Variants in ART4 observed in about 807,000 individuals in gnomAD.
ART4 encodes ADP-ribosyltransferase 4 (inactive) (Dombrock blood group).
ART4 carries 14 observed loss-of-function variants against 24.2 expected under a neutral mutation model. The observed-to-expected ratio is 0.58, with a 90% confidence interval of 0.38 to 0.90. ART4 has a LOEUF of 0.90. Ranked by LOEUF, ART4 falls within the 40% of genes least tolerant of loss-of-function variation. ART4 has a pLI of 0.00. For synonymous variants in ART4, 145 were observed against 139.9 expected (o/e 1.04, Z -0.26); for missense variants, 356 against 366.6 (o/e 0.97, Z 0.24).
At chr12:14,832,998 A>T (rs1950406550) in intron 2 of ART4, among the ~76,000 whole-genome samples, 1 of 152,156 alleles carries the variant, frequency 6.6e-6, no homozygotes, top group South Asian at 2.1e-4. Context: ...TTATTTGAGG[A>T]TACCTCACAT....
chr12:14,841,756 G>A (rs1167566921), intron 1 of ART4, among the ~76,000 whole-genome samples: 1 of 152,224 alleles, frequency 6.6e-6, no homozygotes, highest in African/African-American at 2.4e-5. Context: ...AGGTCTGATA[G>A]CAAGTGGCTT....
intron 2 of ART4, among the ~76,000 whole-genome samples, chr12:14,831,552 A>T (rs1950396242): frequency 6.6e-6 from 1 of 152,218 alleles, no homozygotes; most frequent in African/African-American, 2.4e-5. Flanking sequence ...GGTGTGAGCC[A>T]TCACACCTGG....
In ART4 at chr12:14,841,003, T is replaced by C; in HGVS notation, c.295A>G (p.Lys99Glu). 1 of 1,614,222 alleles carries C rather than the reference T, an allele frequency of 6.2e-7. No individual in the cohort carries two copies. Among genetic ancestry groups the C allele is most frequent in the Middle Eastern group, 1.6e-4 (1 of 6,062 alleles). Reference sequence around the variant, plus strand: ...TGGTTAAGCCAGGCTAAGTGGGCTTTTTGCCACATCCTAAAATAATTCTTC... The same window carrying C: ...TGGTTAAGCCAGGCTAAGTGGGCTTCTTGCCACATCCTAAAATAATTCTTC... ...AQKNYFRMWQKAHLAWLNQGK... is the reference protein window; with the variant it reads ...AQKNYFRMWQEAHLAWLNQGK... Residue 99 changes from lysine to glutamate, a missense_variant, in exon 2 of 3, where the codon AAA (lysine) becomes GAA (glutamate). Transcript: ENST00000228936.
intron 2 of ART4, among the ~76,000 whole-genome samples, chr12:14,830,534 G>GGA (rs1400256047): frequency 8.8e-5 from 4 of 45,488 alleles, no homozygotes; most frequent in African/African-American, 3.7e-4. Flanking sequence ...TTTCTATATA[G>GGA]GAGTGTGTGT....
intron 2 of ART4, among the ~76,000 whole-genome samples, chr12:14,838,458 G>T (rs1028284495): frequency 6.6e-6 from 1 of 152,150 alleles, no homozygotes; most frequent in Non-Finnish European, 1.5e-5. Context: ...GTCAGGTGTA[G>T]TTCCAAAGAA....
chr12:14,835,199 A>G (rs1315912283), intron 2 of ART4, among the ~76,000 whole-genome samples: 1 of 152,256 alleles, frequency 6.6e-6, no homozygotes, highest in Non-Finnish European at 1.5e-5. Context: ...CGAAGCTGAA[A>G]GAATGAGAAA....
chr12:14,831,695 A>G (rs779577311), intron 2 of ART4, among the ~76,000 whole-genome samples: 7 of 151,966 alleles, frequency 4.6e-5, no homozygotes, highest in South Asian at 2.1e-4. Context: ...AATACCACCC[A>G]TAACCCACTG....
In ART4 at chr12:14,843,142, G is replaced by C. The variant is rs865906296; in HGVS notation, c.-29C>G. 6.2e-6 allele frequency: 10 copies of C among 1,612,452 alleles called. No homozygotes were observed. The Middle Eastern group carries it at 1.5e-3, about 240-fold the overall frequency. On this transcript the variant is annotated 5_prime_UTR_variant, in exon 1 of 3. Coordinates refer to ENST00000228936, the MANE Select transcript of ART4 (RefSeq NM_021071.4). ...CTTGTGTCACAAGTACTTCTCCTTTGCCCTTGCAGCTTCATCCTGAGATGA... is the reference window on the plus strand; with the variant it reads ...CTTGTGTCACAAGTACTTCTCCTTTCCCCTTGCAGCTTCATCCTGAGATGA...
intron 2 of ART4, among the ~76,000 whole-genome samples, chr12:14,835,516 C>G (rs1156268830): frequency 6.6e-6 from 1 of 152,172 alleles, no homozygotes; most frequent in Non-Finnish European, 1.5e-5. Context: ...TTCTGATGTT[C>G]CTTCGCTTAC....
At chr12:14,837,004 G>A (rs1162824929) in intron 2 of ART4, among the ~76,000 whole-genome samples, 1 of 151,952 alleles carries the variant, frequency 6.6e-6, no homozygotes, top group East Asian at 1.9e-4. Context: ...TAAAATGAGG[G>A]TCACTTGAAA....
In ART4 at chr12:14,840,841, A is replaced by C. The variant is rs758090906; in HGVS notation, c.457T>G (p.Ser153Ala). 1 of 1,614,104 alleles carries C rather than the reference A, an allele frequency of 6.2e-7. No individual in the cohort carries two copies. The highest frequency in any genetic ancestry group is 1.7e-5 in the Admixed American group (1 of 60,012). Residue 153 changes from serine to alanine, a missense_variant, in exon 2 of 3, where the codon TCA becomes GCA. Transcript: ENST00000228936. ...TAGTGTAAATATTTGAAGTGGAATG[A>C]ACGTTCATACTGCTGTGGAGTCCTG... is the stretch of plus-strand genomic sequence containing the variant. ...VARTPQQYER[S>A]FHFKYLHYYL...
chr12:14,835,610 CTT>C (rs5796613), intron 2 of ART4, among the ~76,000 whole-genome samples: 124 of 146,604 alleles, frequency 8.5e-4, no homozygotes, highest in South Asian at 1.1e-3. Flanking sequence ...GGCAATCAAA[CTT>C]TTTTTTTTTT....
chr12:14,839,552 G>C (rs1222487189), intron 2 of ART4, among the ~76,000 whole-genome samples: 1 of 152,140 alleles, frequency 6.6e-6, no homozygotes, highest in Non-Finnish European at 1.5e-5. Context: ...ACAGAGAGAG[G>C]CTCCAGTGAT....
chr12:14,832,253 T>G (rs560377858), intron 2 of ART4, among the ~76,000 whole-genome samples: 4 of 152,338 alleles, frequency 2.6e-5, no homozygotes, highest in Non-Finnish European at 4.4e-5. Flanking sequence ...CGCTTTCTAT[T>G]ATTTTTCTCT....
chr12:14,840,869 AAC>A lies in ART4; in HGVS notation c.427_428del (p.Val143CysfsTer8). 3 of 1,614,212 alleles carry A rather than the reference AAC, an allele frequency of 1.9e-6. No homozygotes were observed. In the South Asian group the frequency reaches 3.3e-5, roughly 18 times the overall value. On this transcript the variant is annotated frameshift_variant, in exon 2 of 3. Transcript: ENST00000228936. LOFTEE classifies it high-confidence loss of function. ...HSDFTRAMAS[V>X]ARTPQQYERS... ...GTTCATACTGCTGTGGAGTCCTGGC[AAC>A]AGAGGCCATGGCTCTAGTAAAGTCA...
intron 2 of ART4, among the ~76,000 whole-genome samples, chr12:14,833,358 G>A (rs1299459199): frequency 6.6e-6 from 1 of 152,172 alleles, no homozygotes; most frequent in Non-Finnish European, 1.5e-5. Flanking sequence ...GTTGAAGAAT[G>A]GATGAATCCC....
At chr12:14,831,837 C>G (rs1196292017) in intron 2 of ART4, among the ~76,000 whole-genome samples, 1 of 152,072 alleles carries the variant, frequency 6.6e-6, no homozygotes, top group Non-Finnish European at 1.5e-5. Flanking sequence ...AACTCCTGCT[C>G]TTAAATCTAC....
intron 2 of ART4, among the ~76,000 whole-genome samples, chr12:14,835,354 A>G (rs1950422778): frequency 1.3e-5 from 2 of 152,002 alleles, no homozygotes; most frequent in South Asian, 4.1e-4. Context: ...GGGAGAGTCC[A>G]CTGATCTTAC....
intron 2 of ART4, among the ~76,000 whole-genome samples, chr12:14,832,129 T>G (rs781296108): frequency 5.9e-5 from 9 of 152,152 alleles, no homozygotes; most frequent in Non-Finnish European, 8.8e-5. Flanking sequence ...GACACAATCT[T>G]CTATGTTTTC....
Sources: allele counts gnomAD v4.1 joint callset (sites outside exome capture counted in the v4.1 genomes callset), GRCh38; gene constraint gnomAD v4.1.1; transcripts MANE v1.5; gene names NCBI Gene and HGNC (gene_info 2026-07-23, HGNC 2026-07-21).